The following MCM9 variants were observed in gnomAD, a reference collection of about 807,000 sequenced individuals.
MCM9 encodes DNA helicase MCM9.
MCM9 carries 55 observed loss-of-function variants against 72.8 expected under a neutral mutation model. That is an observed-to-expected ratio of 0.76 (90% confidence interval 0.61 to 0.95). MCM9 has a LOEUF of 0.95. Ranked by LOEUF, MCM9 falls within the 40% of genes least tolerant of loss-of-function variation. The pLI, the probability that MCM9 is intolerant of heterozygous loss-of-function variation, is 0.00. For synonymous variants in MCM9, 480 were observed against 503.4 expected, an observed-to-expected ratio of 0.95 and a Z score of 0.62; for missense variants, 1,279 against 1,377.0, an observed-to-expected ratio of 0.93 and a Z score of 1.13.
intron 9 of MCM9, among the ~76,000 whole-genome samples, chr6:118,835,940 A>T (rs1034335333): frequency 1.3e-5 from 2 of 152,180 alleles, no homozygotes; most frequent in Non-Finnish European, 2.9e-5. Context: ...TTCAAGGGGA[A>T]TGCTTCCAGC....
intron 8 of MCM9, among the ~76,000 whole-genome samples, chr6:118,861,440 C>G (rs1776898747): frequency 1.3e-5 from 2 of 152,190 alleles, no homozygotes; most frequent in African/African-American, 4.8e-5. Flanking sequence ...TCCCATCATT[C>G]AACAGGTCCT....
rs966911287 is a variant in MCM9, at chr6:118,815,637, A to G, written c.2619T>C (p.Pro873=). 3 of 1,550,368 alleles carry G rather than the reference A, an allele frequency of 1.9e-6. No individual in the cohort carries two copies. The highest frequency in any genetic ancestry group is 2.6e-6 in the Non-Finnish European group (3 of 1,146,966). The change falls in exon 14 of 14, where the codon CCT becomes CCC. Residue 873 remains proline, a synonymous_variant. Transcript: ENST00000619706. ...GTACAGGAGTGGACTGAGGATGGGA[A>G]GGGACTGTGCACTGTGCAGGCACCC... ...STRVPAQCTV[P]SHPQSTPVHS...
chr6:118,817,847 G>T (rs1202436477), intron 13 of MCM9, among the ~76,000 whole-genome samples: 1 of 152,094 alleles, frequency 6.6e-6, no homozygotes, highest in East Asian at 1.9e-4. Flanking sequence ...GGTGTAAGAT[G>T]GTATCTCATT....
intron 1 of MCM9, among the ~76,000 whole-genome samples, chr6:118,933,552 T>C (rs532148660): frequency 4.6e-5 from 7 of 151,834 alleles, no homozygotes; most frequent in Non-Finnish European, 1.0e-4. Context: ...GGAAAGAGAT[T>C]GAGGACTGGA....
intron 8 of MCM9, among the ~76,000 whole-genome samples, chr6:118,870,224 T>A (rs979289748): frequency 1.1e-4 from 16 of 152,142 alleles, no homozygotes; most frequent in African/African-American, 3.9e-4. Flanking sequence ...ATACACAAAA[T>A]ATTCTCCAAG....
chr6:118,886,218 G>A (rs545327849), intron 8 of MCM9, among the ~76,000 whole-genome samples: 1 of 152,232 alleles, frequency 6.6e-6, no homozygotes, highest in South Asian at 2.1e-4. Context: ...CTCACAGCTA[G>A]TATCATTTTT....
chr6:118,907,553 G>T, intron 8 of MCM9: 1 of 1,613,668 alleles, frequency 6.2e-7, no homozygotes, highest in Non-Finnish European at 8.5e-7. Context: ...GCATCAAAGG[G>T]ATGGTCCACA....
chr6:118,916,469 A>ATTATT (rs1554261929), intron 6 of MCM9, among the ~76,000 whole-genome samples: 2 of 146,732 alleles, frequency 1.4e-5, no homozygotes, highest in African/African-American at 5.0e-5. Flanking sequence ...TATTATTATT[A>ATTATT]TTATTATGAG....
At chr6:118,876,948 C>T (rs1045235168) in intron 8 of MCM9, among the ~76,000 whole-genome samples, 7 of 152,332 alleles carry the variant, frequency 4.6e-5, no homozygotes, top group African/African-American at 1.7e-4. Context: ...TTGTGACTGC[C>T]TTGACCCATA....
At chr6:118,878,690 T>C (rs148729448) in intron 8 of MCM9, among the ~76,000 whole-genome samples, 1,576 of 152,170 alleles carry the variant, frequency 0.01, 30 homozygotes, top group African/African-American at 0.036. Flanking sequence ...AGGCAACTAT[T>C]AATATCTTTA....
chr6:118,901,071 A>G (rs753769143), intron 8 of MCM9: 31 of 522,876 alleles, frequency 5.9e-5, no homozygotes, highest in Non-Finnish European at 9.2e-5. Context: ...TCCTGGTTTT[A>G]TATGCTGAGA....
intron 13 of MCM9, among the ~76,000 whole-genome samples, chr6:118,817,980 T>C (rs1773519391): frequency 6.6e-6 from 1 of 150,630 alleles, no homozygotes; most frequent in African/African-American, 2.4e-5. Context: ...TTTTGATGGC[T>C]TTTTTTCTTG....
At chr6:118,847,264 A>C (rs965849500) in intron 9 of MCM9, among the ~76,000 whole-genome samples, 2 of 151,674 alleles carry the variant, frequency 1.3e-5, no homozygotes, top group Non-Finnish European at 2.9e-5. Flanking sequence ...TAAAGATGGA[A>C]ACAACAAACA....
chr6:118,838,625 G>A (rs986043929), intron 9 of MCM9, among the ~76,000 whole-genome samples: 1 of 152,166 alleles, frequency 6.6e-6, no homozygotes, highest in Non-Finnish European at 1.5e-5. Context: ...GTTTCACCAT[G>A]TTAGCCAGGA....
chr6:118,915,808 A>G (rs1780897886), intron 6 of MCM9, among the ~76,000 whole-genome samples: 1 of 152,172 alleles, frequency 6.6e-6, no homozygotes, highest in African/African-American at 2.4e-5. Flanking sequence ...TCCTACTTAT[A>G]TTTCTCACAA....
At chr6:118,923,492 C>A (rs1781607303) in intron 4 of MCM9, among the ~76,000 whole-genome samples, 1 of 152,088 alleles carries the variant, frequency 6.6e-6, no homozygotes, top group Non-Finnish European at 1.5e-5. Flanking sequence ...ATCTTCTATC[C>A]CTTAGCTAAG....
chr6:118,860,687 T>TA lies in MCM9; in HGVS notation c.1151-4143dup, dbSNP rs200153358. ...ATTCAAACTTCAGAAAATCAAAGAT[T>TA]AAAAAAAAATCATAAAAGAAGCCAG... On this transcript the variant is annotated intron_variant, in intron 8 of 13. Coordinates refer to ENST00000619706, the MANE Select transcript of MCM9 (RefSeq NM_017696.3). Among the ~76,000 whole-genome samples, 91 of 151,250 alleles carry TA rather than the reference T, an allele frequency of 6.0e-4. No homozygotes were observed. In the East Asian group the frequency reaches 7.6e-3, roughly 13 times the overall value.
chr6:118,916,948 G>A (rs2114308643), intron 6 of MCM9, among the ~76,000 whole-genome samples: 1 of 152,320 alleles, frequency 6.6e-6, no homozygotes, highest in East Asian at 1.9e-4. Context: ...ATGTCTCCAT[G>A]GAGAAATGAA....
intron 6 of MCM9, among the ~76,000 whole-genome samples, chr6:118,916,887 G>C (rs116338173): frequency 6.6e-6 from 1 of 152,164 alleles, no homozygotes; most frequent in African/African-American, 2.4e-5. Flanking sequence ...GATTTGAGGG[G>C]AGTGTTATTA....
Sources: gnomAD v4.1 joint callset for allele counts (sites outside exome capture counted in the v4.1 genomes callset) on GRCh38, gnomAD v4.1.1 for gene constraint, MANE v1.5 for transcripts, NCBI Gene and HGNC (gene_info 2026-07-23, HGNC 2026-07-21) for gene names.